The following PDE4B variants were observed in gnomAD, a reference collection of about 807,000 sequenced individuals.
PDE4B encodes the protein phosphodiesterase 4B, also known as 3',5'-cyclic-AMP phosphodiesterase 4B.
In PDE4B, 20 loss-of-function variants were observed where a neutral mutation model predicts 82.2. The ratio of observed to expected loss-of-function variants is 0.24; its 90% CI spans 0.17 to 0.35. The LOEUF (loss-of-function observed/expected upper bound fraction) is 0.35. PDE4B is among the 10% of genes least tolerant of loss of function. The pLI, the probability that PDE4B is intolerant of heterozygous loss-of-function variation, is 1.00. For synonymous variants in PDE4B, 320 were observed against 318.9 expected (o/e 1.00, Z -0.04); for missense variants, 655 against 907.2 (o/e 0.72, Z 3.57).
chr1:66,166,743 A>G (rs1021799959), intron 3 of PDE4B, among the ~76,000 whole-genome samples: 31 of 152,146 alleles, frequency 2.0e-4, no homozygotes, highest in Admixed American at 6.5e-4. Context: ...CAAAAAAAAA[A>G]AAAAAAAAGT....
At chr1:66,100,503 T>C (rs1645201200) in intron 3 of PDE4B, among the ~76,000 whole-genome samples, 2 of 152,162 alleles carry the variant, frequency 1.3e-5, no homozygotes, top group Non-Finnish European at 2.9e-5. Context: ...ACTTAATCAA[T>C]AAATGAATTT....
At chr1:65,892,741 C>T (rs372409212) in intron 1 of PDE4B, among the ~76,000 whole-genome samples, 6 of 152,046 alleles carry the variant, frequency 3.9e-5, no homozygotes, top group Non-Finnish European at 5.9e-5. Flanking sequence ...TTCAAGTAAT[C>T]TCCTACCCAC....
At chr1:66,152,649 C>G (rs1178376219) in intron 3 of PDE4B, 1 of 150,734 alleles carries the variant, frequency 6.6e-6, no homozygotes, top group Non-Finnish European at 1.5e-5. Flanking sequence ...CACACACACA[C>G]ACACACACAC....
intron 3 of PDE4B, among the ~76,000 whole-genome samples, chr1:66,118,266 G>A (rs1004338025): frequency 2.6e-5 from 4 of 152,024 alleles, no homozygotes; most frequent in South Asian, 2.1e-4. Context: ...AAAGACACAC[G>A]CACACATATG....
At chr1:66,163,238 G>A (rs1373506886) in intron 3 of PDE4B, among the ~76,000 whole-genome samples, 1 of 152,162 alleles carries the variant, frequency 6.6e-6, no homozygotes, top group Non-Finnish European at 1.5e-5. Flanking sequence ...TGGTAGGTAG[G>A]ATTGCACAGG....
intron 3 of PDE4B, among the ~76,000 whole-genome samples, chr1:65,987,506 A>C (rs1416471708): frequency 6.6e-6 from 1 of 152,204 alleles, no homozygotes; most frequent in East Asian, 1.9e-4. Context: ...AAAAGCTTGG[A>C]TAGCATTGGT....
intron 12 of PDE4B, 94 bp from the exon 13 acceptor site, chr1:66,365,573 C>CA (rs144339850): frequency 0.21 from 131,915 of 615,526 alleles, 16,257 homozygotes; most frequent in Non-Finnish European, 0.25. Context: ...ATCCCTCTCC[C>CA]AACAAGAATA....
chr1:65,889,523 A>T (rs1646829400), intron 1 of PDE4B, among the ~76,000 whole-genome samples: 1 of 152,128 alleles, frequency 6.6e-6, no homozygotes, highest in Admixed American at 6.6e-5. Flanking sequence ...AAAAATAAAT[A>T]AAATGAAGTT....
At chr1:66,051,172 C>A (rs1040630954) in intron 3 of PDE4B, among the ~76,000 whole-genome samples, 4 of 151,608 alleles carry the variant, frequency 2.6e-5, no homozygotes, top group African/African-American at 9.7e-5. Context: ...CAAACCTGCA[C>A]GTTGTGCACA....
intron 1 of PDE4B, 21 bp from the exon 2 acceptor site, chr1:65,913,224 G>A: frequency 2.9e-6 from 3 of 1,051,166 alleles, no homozygotes; most frequent in Non-Finnish European, 4.4e-6. Context: ...GTTCTTTTTT[G>A]TGTGTTTTTT....
chr1:66,253,453 G>C (rs1653944587), intron 4 of PDE4B, among the ~76,000 whole-genome samples: 1 of 152,274 alleles, frequency 6.6e-6, no homozygotes, highest in African/African-American at 2.4e-5. Flanking sequence ...ACTAAGACTG[G>C]AGTGCTCATT....
intron 3 of PDE4B, among the ~76,000 whole-genome samples, chr1:65,990,627 A>T (rs1056828603): frequency 1.3e-5 from 2 of 152,214 alleles, no homozygotes; most frequent in Admixed American, 6.5e-5. Flanking sequence ...ATATCTTTAG[A>T]TATTAAAACA....
At chr1:65,857,224 C>T (rs1172791997) in intron 1 of PDE4B, among the ~76,000 whole-genome samples, 1 of 152,128 alleles carries the variant, frequency 6.6e-6, no homozygotes, top group Non-Finnish European at 1.5e-5. Flanking sequence ...AATTTTTTAT[C>T]TTACCCAGAG....
chr1:65,922,752 T>C (rs913039851), intron 3 of PDE4B, among the ~76,000 whole-genome samples: 8 of 152,162 alleles, frequency 5.3e-5, no homozygotes, highest in African/African-American at 1.9e-4. Context: ...TTATTCATTC[T>C]CTCTGGGAAA....
chr1:65,837,316 G>T (rs537774612), intron 1 of PDE4B, among the ~76,000 whole-genome samples: 6 of 152,300 alleles, frequency 3.9e-5, no homozygotes, highest in African/African-American at 1.4e-4. Flanking sequence ...TACAGGCCGG[G>T]CACAGTGGCT....
At chr1:66,137,058 G>A (rs1331779123) in intron 3 of PDE4B, among the ~76,000 whole-genome samples, 1 of 152,152 alleles carries the variant, frequency 6.6e-6, no homozygotes, top group Non-Finnish European at 1.5e-5. Context: ...GAGAAGTGTG[G>A]ATGAAAGAGG....
intron 3 of PDE4B, among the ~76,000 whole-genome samples, chr1:66,038,354 G>A (rs1346741831): frequency 6.6e-6 from 1 of 152,114 alleles, no homozygotes; most frequent in African/African-American, 2.4e-5. Context: ...GACAACCGAA[G>A]CCATAGAACC....
At chr1:66,227,155 G>A (rs1252132652) in intron 3 of PDE4B, among the ~76,000 whole-genome samples, 1 of 152,180 alleles carries the variant, frequency 6.6e-6, no homozygotes, top group African/African-American at 2.4e-5. Context: ...CGGCCATGTG[G>A]CGTCTAAGAT....
intron 3 of PDE4B, among the ~76,000 whole-genome samples, chr1:66,223,740 A>C (rs971209858): frequency 5.3e-5 from 8 of 151,618 alleles, no homozygotes; most frequent in Non-Finnish European, 1.0e-4. Flanking sequence ...AGGGCCCTCC[A>C]CTTAGAGATC....
Sources: allele counts gnomAD v4.1 joint callset (sites outside exome capture counted in the v4.1 genomes callset), GRCh38; gene constraint gnomAD v4.1.1; transcripts MANE v1.5; gene names NCBI Gene and HGNC (gene_info 2026-07-23, HGNC 2026-07-21).